Variants in GABPB1 observed in about 807,000 individuals in gnomAD.
GABPB1 encodes GA binding protein transcription factor subunit beta 1, also known as GA-binding protein subunit beta-1.
A neutral mutation model predicts 45.9 loss-of-function variants in GABPB1; 15 were observed. The observed-to-expected ratio is 0.33, with a 90% confidence interval of 0.22 to 0.50. The LOEUF is 0.50. Ranked by LOEUF, GABPB1 falls within the 20% of genes least tolerant of loss-of-function variation. The pLI is 0.98. For missense variants in GABPB1, 252 were observed against 457.5 expected, an observed-to-expected ratio of 0.55 and a Z score of 4.10; for synonymous variants, 143 against 154.4, an observed-to-expected ratio of 0.93 and a Z score of 0.55.
intron 1 of GABPB1, among the ~76,000 whole-genome samples, chr15:50,317,380 G>A (rs1187106271): frequency 6.8e-6 from 1 of 147,672 alleles, no homozygotes. Context: ...CTCCAGCCTG[G>A]GCAACAAGAG....
At chr15:50,335,550 GCTA>G (rs1390247565) in intron 1 of GABPB1, among the ~76,000 whole-genome samples, 2 of 152,274 alleles carry the variant, frequency 1.3e-5, no homozygotes, top group East Asian at 3.9e-4. Context: ...GTTCTTCAAA[GCTA>G]CTAAGGTAAT....
intron 1 of GABPB1, chr15:50,351,590 G>C (rs570041794): frequency 7.8e-4 from 114 of 146,058 alleles, no homozygotes; most frequent in African/African-American, 2.8e-3. Context: ...AAAGAAAGAA[G>C]AGGTGCAAAG....
chr15:50,300,785 T>C lies in GABPB1; in HGVS notation c.697+4A>G. ...AATGTACACATTAGACTCGTTTTTC[T>C]AACCTGGAGTTTCTGAAGAATTGGA... On this transcript the variant is annotated splice_donor_region_variant and intron_variant, in intron 6 of 8. Coordinates refer to ENST00000380877, the MANE Select transcript of GABPB1 (RefSeq NM_016654.5). 1 of 1,583,764 alleles carries C rather than the reference T, an allele frequency of 6.3e-7. No homozygotes were observed. The highest frequency in any genetic ancestry group is 8.7e-7 in the Non-Finnish European group (1 of 1,152,416).
intron 2 of GABPB1, among the ~76,000 whole-genome samples, chr15:50,304,459 C>T (rs2046869547): frequency 1.3e-5 from 2 of 151,988 alleles, no homozygotes. Flanking sequence ...GCCTGTAATC[C>T]CAGCACTTTG....
At position 50,303,273 on chromosome 15, in the gene GABPB1, G is replaced by C. The variant is rs372000680; in HGVS notation, c.277-150C>G. On this transcript the variant is annotated intron_variant, in intron 3 of 8. Transcript: ENST00000380877. The stretch of plus-strand genomic sequence containing the variant: ...ATGTTAAATAGATGTTCCAGGCCAG[G>C]TGCAGTGGCTCACGCCTGTAATCCC... The C allele has an allele frequency of 1.7e-3, 1,123 of 671,140 alleles. 10 individuals carry two copies. In the African/African-American group the frequency reaches 0.019, roughly 11 times the overall value. The allele number at this position is 671,140 out of a possible 1,614,324, so 41.6% of individuals were successfully genotyped here.
At chr15:50,290,276 G>A (rs1415381511) in intron 6 of GABPB1, among the ~76,000 whole-genome samples, 2 of 152,112 alleles carry the variant, frequency 1.3e-5, no homozygotes, top group African/African-American at 4.8e-5. Flanking sequence ...TCATGACAAA[G>A]GTTATATCTG....
intron 2 of GABPB1, among the ~76,000 whole-genome samples, chr15:50,309,217 T>C (rs1355518288): frequency 6.6e-6 from 1 of 152,150 alleles, no homozygotes; most frequent in East Asian, 1.9e-4. Flanking sequence ...CTACCTTCTT[T>C]CCATAGTTGT....
At chr15:50,317,142 T>C (rs1045120541) in intron 1 of GABPB1, among the ~76,000 whole-genome samples, 2 of 152,088 alleles carry the variant, frequency 1.3e-5, no homozygotes, top group Non-Finnish European at 2.9e-5. Flanking sequence ...ATGCCTGTAA[T>C]CCCAGCACTT....
intron 8 of GABPB1, among the ~76,000 whole-genome samples, chr15:50,282,941 G>A (rs1179785022): frequency 6.6e-6 from 1 of 152,176 alleles, no homozygotes; most frequent in African/African-American, 2.4e-5. Context: ...TGTAATCCCA[G>A]CTACTTAGGA....
intron 1 of GABPB1, among the ~76,000 whole-genome samples, chr15:50,326,636 T>C (rs1311876008): frequency 6.6e-6 from 1 of 151,780 alleles, no homozygotes. Context: ...CACTCCAGCC[T>C]GGGCAACAGA....
chr15:50,340,902 TTATTACCATATGTAATATTACA>T (rs2048340354), intron 1 of GABPB1, among the ~76,000 whole-genome samples: 1 of 86,360 alleles, frequency 1.2e-5, no homozygotes, highest in Non-Finnish European at 2.2e-5. Flanking sequence ...TACATATGGT[TTATTACCATATGTAATATTACA>T]TATTACATAT....
chr15:50,337,524 G>A (rs765919801), intron 1 of GABPB1, among the ~76,000 whole-genome samples: 9 of 152,036 alleles, frequency 5.9e-5, no homozygotes, highest in Non-Finnish European at 7.4e-5. Flanking sequence ...AGCACTTTGG[G>A]AGGCTGAGGC....
At chr15:50,349,757 A>C (rs893272440) in intron 1 of GABPB1, 1 of 152,208 alleles carries the variant, frequency 6.6e-6, no homozygotes, top group Non-Finnish European at 1.5e-5. Context: ...ATAAAACCCA[A>C]ATTTCTCAGC....
intron 8 of GABPB1, among the ~76,000 whole-genome samples, chr15:50,282,836 C>T (rs939216765): frequency 6.6e-6 from 1 of 152,134 alleles, no homozygotes; most frequent in Admixed American, 6.5e-5. Context: ...GGATGGATCA[C>T]CTGAGGTCAG....
chr15:50,306,488 G>GT (rs1171295287), intron 2 of GABPB1, among the ~76,000 whole-genome samples: 1 of 152,048 alleles, frequency 6.6e-6, no homozygotes, highest in Non-Finnish European at 1.5e-5. Flanking sequence ...TTAGCTGGGT[G>GT]TGAGGGTGGG....
At chr15:50,313,861 C>T (rs2047216067) in intron 1 of GABPB1, among the ~76,000 whole-genome samples, 1 of 151,656 alleles carries the variant, frequency 6.6e-6, no homozygotes, top group African/African-American at 2.4e-5. Flanking sequence ...AATTTTTTTT[C>T]AAAGGGACAA....
chr15:50,352,894 A>G (rs944607040), intron 1 of GABPB1: 5 of 152,298 alleles, frequency 3.3e-5, no homozygotes, highest in South Asian at 2.1e-4. Context: ...TTGTCTCCCA[A>G]TAAGTATAAT....
At chr15:50,296,238 G>T (rs1023816992) in intron 6 of GABPB1, among the ~76,000 whole-genome samples, 23 of 152,112 alleles carry the variant, frequency 1.5e-4, no homozygotes, top group African/African-American at 5.6e-4. Context: ...GCTAGTAAAA[G>T]AAAAGAATAT....
chr15:50,346,587 G>GTTGT (rs2048589689), intron 1 of GABPB1, among the ~76,000 whole-genome samples: 1 of 119,906 alleles, frequency 8.3e-6, no homozygotes. Context: ...ACAACAGAAA[G>GTTGT]TTTTTTTTTT....
Sources: gnomAD v4.1 joint callset for allele counts (sites outside exome capture counted in the v4.1 genomes callset) on GRCh38, gnomAD v4.1.1 for gene constraint, MANE v1.5 for transcripts, NCBI Gene and HGNC (gene_info 2026-07-23, HGNC 2026-07-21) for gene names.